The following ADAMTSL1 variants were observed in gnomAD, a reference collection of about 807,000 sequenced individuals.
ADAMTSL1 encodes ADAMTS like 1.
Under a neutral mutation model 201.8 loss-of-function variants are expected in ADAMTSL1, and 126 were observed. The observed-to-expected ratio is 0.62, with a 90% CI of 0.54 to 0.72. The LOEUF is 0.72. Ranked by LOEUF, ADAMTSL1 falls within the 30% of genes least tolerant of loss-of-function variation. The pLI is 0.00. For synonymous variants in ADAMTSL1, 1,121 were observed against 903.4 expected, an observed-to-expected ratio of 1.24 and a Z score of -4.32; for missense variants, 2,679 against 2,277.8, an observed-to-expected ratio of 1.18 and a Z score of -3.59.
In ADAMTSL1 at chr9:18,816,720, C is replaced by CTTTTTTTTT. The variant is rs751791974; in HGVS notation, c.3806-369_3806-361dup. 5.8e-4 allele frequency among the ~76,000 whole-genome samples: 23 copies of CTTTTTTTTT among 39,754 alleles called. 1 individual carries two copies. Among genetic ancestry groups the CTTTTTTTTT allele is most frequent in the Admixed American group, 1.0e-3 (3 of 2,892 alleles). 26.1% of individuals were successfully genotyped at this position (39,754 alleles called of 152,430 possible). On this transcript the variant is annotated intron_variant, in intron 20 of 28. Coordinates refer to ENST00000380548, the MANE Select transcript of ADAMTSL1 (RefSeq NM_001040272.6). ...GTCTTCAAACTCTTCAACCCTTGGT[C>CTTTTTTTTT]TTTTTTTTTTTTTTTTTTTTTTTTT... is the stretch of plus-strand genomic sequence containing the variant.
At position 18,905,830 on chromosome 9, in the gene ADAMTSL1, G is replaced by A; in HGVS notation, c.4900G>A (p.Val1634Ile). The part of the protein sequence containing the change: ...GPHLAVQHRQ[V>I]FCQTRDGITL... ...TCACCTAGCTGTGCAACACAGACAA[G>A]TCTTCTGCCAGACACGGGATGGCAT... Residue 1634 changes from valine to isoleucine, a missense_variant, in exon 27 of 29, where the codon GTC becomes ATC. Transcript: ENST00000380548. 2 of 1,613,742 alleles carry A rather than the reference G, an allele frequency of 1.2e-6. No homozygotes were observed. Among genetic ancestry groups the A allele is most frequent in the Non-Finnish European group, 1.7e-6 (2 of 1,179,822 alleles).
intron 2 of ADAMTSL1, among the ~76,000 whole-genome samples, chr9:18,468,102 C>T (rs757355241): frequency 1.2e-4 from 19 of 152,164 alleles, no homozygotes; most frequent in Non-Finnish European, 2.6e-4. Context: ...CTACAAAAGA[C>T]AGTTTATTTG....
At chr9:18,356,097 G>A (rs1257432517) in intron 2 of ADAMTSL1, among the ~76,000 whole-genome samples, 1 of 152,210 alleles carries the variant, frequency 6.6e-6, no homozygotes, top group East Asian at 1.9e-4. Context: ...AGCAAGGCGG[G>A]TAGTTTTACT....
chr9:18,721,096 A>G (rs1833331297), intron 14 of ADAMTSL1, among the ~76,000 whole-genome samples: 1 of 152,254 alleles, frequency 6.6e-6, no homozygotes, highest in Non-Finnish European at 1.5e-5. Flanking sequence ...AATTCTGGAT[A>G]TAAAACATGG....
intron 4 of ADAMTSL1, among the ~76,000 whole-genome samples, chr9:18,588,904 C>CATATACATATATATAT (rs1823725890): frequency 3.2e-5 from 4 of 124,604 alleles, no homozygotes; most frequent in African/African-American, 8.9e-5. Flanking sequence ...TATATATATA[C>CATATACATATATATAT]ATATATATAC....
chr9:18,214,418 C>T (rs1027803018), intron 2 of ADAMTSL1, among the ~76,000 whole-genome samples: 2 of 152,152 alleles, frequency 1.3e-5, no homozygotes, highest in African/African-American at 4.8e-5. Flanking sequence ...AGATGATGTA[C>T]TTTGTTTTCT....
chr9:17,907,939 A>G (rs1825787991), intron 1 of ADAMTSL1, among the ~76,000 whole-genome samples: 1 of 152,176 alleles, frequency 6.6e-6, no homozygotes, highest in South Asian at 2.1e-4. Context: ...ACCGCCAGAT[A>G]GCCTCCCTTT....
intron 13 of ADAMTSL1, among the ~76,000 whole-genome samples, chr9:18,702,089 T>A (rs2133306384): frequency 6.6e-6 from 1 of 152,144 alleles, no homozygotes; most frequent in South Asian, 2.1e-4. Context: ...GCAGAGAAAC[T>A]CCCACTTTTA....
intron 2 of ADAMTSL1, among the ~76,000 whole-genome samples, chr9:18,205,721 A>T (rs887688959): frequency 3.3e-5 from 5 of 152,034 alleles, no homozygotes; most frequent in African/African-American, 1.2e-4. Flanking sequence ...TCCCAAACTC[A>T]TAGTCTCATG....
chr9:18,110,381 C>G (rs75692971), intron 1 of ADAMTSL1, among the ~76,000 whole-genome samples: 3,000 of 152,222 alleles, frequency 0.02, 93 homozygotes, highest in African/African-American at 0.067. Flanking sequence ...AGGGAAAGTG[C>G]AAGACTAGGC....
At chr9:18,523,390 T>C (rs1021450671) in intron 2 of ADAMTSL1, among the ~76,000 whole-genome samples, 2 of 152,212 alleles carry the variant, frequency 1.3e-5, no homozygotes, top group African/African-American at 4.8e-5. Flanking sequence ...ATTCTGTAGG[T>C]TGCCTGTTCA....
chr9:17,907,707 A>C (rs1217813791), intron 1 of ADAMTSL1, among the ~76,000 whole-genome samples: 1 of 152,116 alleles, frequency 6.6e-6, no homozygotes, highest in Admixed American at 6.5e-5. Context: ...TTATCACAAG[A>C]CTTGGAGAAA....
intron 7 of ADAMTSL1, among the ~76,000 whole-genome samples, chr9:18,657,248 T>C (rs192834419): frequency 2.0e-5 from 3 of 152,372 alleles, no homozygotes; most frequent in Admixed American, 2.0e-4. Flanking sequence ...TTCTGCAGTA[T>C]ATAATTTTCT....
intron 10 of ADAMTSL1, among the ~76,000 whole-genome samples, chr9:18,679,789 G>A (rs1020281273): frequency 4.6e-5 from 7 of 152,010 alleles, no homozygotes; most frequent in African/African-American, 1.7e-4. Context: ...AGAAGCAAAG[G>A]AGAGTCTTTT....
rs375618562 is a variant in ADAMTSL1 at position 18,848,246 on chromosome 9, C to T, written c.4249+18269C>T. 4.6e-4 allele frequency among the ~76,000 whole-genome samples: 70 copies of T among 152,210 alleles called. No individual in the cohort carries two copies. In the South Asian group the frequency reaches 8.7e-3, roughly 19 times the overall value. On this transcript the variant is annotated intron_variant, in intron 23 of 28. Coordinates refer to ENST00000380548, the MANE Select transcript of ADAMTSL1 (RefSeq NM_001040272.6). ...ATATTCCAACAGAGACCAATTAATT[C>T]GAGATCTCAGGATGGGACAAGGCAT...
chr9:18,866,872 T>TCTGACATCTCTGGAGTGTTGCC (rs1478864500), intron 23 of ADAMTSL1, among the ~76,000 whole-genome samples: 3 of 152,224 alleles, frequency 2.0e-5, no homozygotes, highest in African/African-American at 7.2e-5. Flanking sequence ...CTCCTCTTGC[T>TCTGACATCTCTGGAGTGTTGCC]CTGACATCTC....
intron 1 of ADAMTSL1, among the ~76,000 whole-genome samples, chr9:17,968,464 C>G (rs1270737833): frequency 6.6e-6 from 1 of 152,098 alleles, no homozygotes; most frequent in African/African-American, 2.4e-5. Context: ...GTCTCCTTGG[C>G]AAAGGTGAGG....
intron 1 of ADAMTSL1, among the ~76,000 whole-genome samples, chr9:17,952,698 T>C (rs1827774448): frequency 1.3e-5 from 2 of 152,266 alleles, no homozygotes; most frequent in South Asian, 2.1e-4. Flanking sequence ...GTGTAATTTT[T>C]GTACTTTTAA....
At chr9:18,644,184 G>A (rs1827630418) in intron 7 of ADAMTSL1, among the ~76,000 whole-genome samples, 1 of 151,720 alleles carries the variant, frequency 6.6e-6, no homozygotes, top group African/African-American at 2.4e-5. Flanking sequence ...TTTGATATTA[G>A]TGTATAGAAA....
Sources: allele counts gnomAD v4.1 joint callset (sites outside exome capture counted in the v4.1 genomes callset), GRCh38; gene constraint gnomAD v4.1.1; transcripts MANE v1.5; gene names NCBI Gene and HGNC (gene_info 2026-07-23, HGNC 2026-07-21).